NCAM2: variants seen among roughly 807,000 people sequenced by gnomAD.
NCAM2 encodes N-CAM-2.
In NCAM2, 30 loss-of-function variants were observed where a neutral mutation model predicts 98.1. The ratio of observed to expected loss-of-function variants is 0.31; its 90% CI spans 0.23 to 0.41. The LOEUF is 0.41. NCAM2 is among the 10% of genes least tolerant of loss of function. NCAM2 has a pLI of 1.00. For synonymous variants in NCAM2, 368 were observed against 342.4 expected (o/e 1.07, Z -0.83); for missense variants, 867 against 1,005.8 (o/e 0.86, Z 1.87).
intron 1 of NCAM2, among the ~76,000 whole-genome samples, chr21:21,149,094 G>T (rs1026868564): frequency 1.3e-5 from 2 of 152,024 alleles, no homozygotes; most frequent in Non-Finnish European, 2.9e-5. Context: ...CATTATTCCA[G>T]CACTAAATTG....
intron 12 of NCAM2, among the ~76,000 whole-genome samples, chr21:21,436,983 C>T (rs1978446641): frequency 6.6e-6 from 1 of 151,580 alleles, no homozygotes; most frequent in Non-Finnish European, 1.5e-5. Context: ...CCATGTTACC[C>T]AGGCTGGTTT....
chr21:21,190,642 A>G (rs1321888290), intron 1 of NCAM2, among the ~76,000 whole-genome samples: 1 of 152,168 alleles, frequency 6.6e-6, no homozygotes, highest in Admixed American at 6.5e-5. Context: ...CAGTTCATGT[A>G]TATATTTGAG....
intron 1 of NCAM2, among the ~76,000 whole-genome samples, chr21:21,013,595 A>T (rs1254985048): frequency 6.6e-6 from 1 of 152,152 alleles, no homozygotes; most frequent in Non-Finnish European, 1.5e-5. Context: ...CAGCCTGACC[A>T]ACATGGTGAA....
chr21:21,173,763 C>T (rs762228949), intron 1 of NCAM2, among the ~76,000 whole-genome samples: 25 of 152,204 alleles, frequency 1.6e-4, no homozygotes, highest in African/African-American at 4.1e-4. Flanking sequence ...ATCCCAGATG[C>T]GCTGCAAACT....
chr21:21,470,205 G>T (rs574354802), intron 14 of NCAM2, among the ~76,000 whole-genome samples: 1 of 151,276 alleles, frequency 6.6e-6, no homozygotes, highest in African/African-American at 2.4e-5. Context: ...TCTATTTAGA[G>T]CAAAGCAGAG....
chr21:21,124,063 G>T (rs888042078), intron 1 of NCAM2, among the ~76,000 whole-genome samples: 11 of 104,940 alleles, frequency 1.0e-4, no homozygotes, highest in African/African-American at 4.2e-4. Flanking sequence ...GGCCAGGATG[G>T]TATCGATCTC....
intron 1 of NCAM2, among the ~76,000 whole-genome samples, chr21:21,041,980 T>A (rs539665590): frequency 1.1e-4 from 17 of 152,292 alleles, no homozygotes; most frequent in Admixed American, 4.6e-4. Flanking sequence ...TTGTAACAGG[T>A]TGAATGACGA....
rs1045730532 is a variant in NCAM2 at position 21,284,347 on chromosome 21, C to A, written c.284C>A (p.Ala95Glu). 1 of 1,612,622 alleles carries A rather than the reference C, an allele frequency of 6.2e-7. No homozygotes were observed. The change falls in exon 3 of 18, where the codon GCA becomes GAA. Residue 95 changes from alanine (A) to glutamate (E), a missense_variant. Physicochemically the swap from Ala to Glu is moderately radical, Grantham distance 107. Transcript: ENST00000400546. The part of the protein sequence containing the change: ...IEDAGIYRCQ[A>E]TDAKGQTQEA... The stretch of plus-strand genomic sequence containing the variant: ...GATGCAGGGATATATCGTTGTCAAG[C>A]AACAGATGCCAAAGGACAAACACAA...
chr21:21,267,065 G>A lies in NCAM2; in HGVS notation c.56-13513G>A, dbSNP rs73896638. On this transcript the variant is annotated intron_variant, in intron 1 of 17. Coordinates refer to ENST00000400546, the MANE Select transcript of NCAM2 (RefSeq NM_004540.5). ...TTCTCCCACCAAGGAGATATCTGAT[G>A]TGTAAATAACAACTCACCAGGGGAA... is the stretch of plus-strand genomic sequence containing the variant. Among the ~76,000 whole-genome samples, 312 of 152,180 alleles carry A rather than the reference G, an allele frequency of 2.1e-3. 2 individuals are homozygous for A. Among genetic ancestry groups the A allele is most frequent in the African/African-American group, 7.1e-3 (294 of 41,520 alleles).
intron 1 of NCAM2, among the ~76,000 whole-genome samples, chr21:21,202,115 G>A (rs1246325897): frequency 6.6e-6 from 1 of 152,108 alleles, no homozygotes; most frequent in African/African-American, 2.4e-5. Flanking sequence ...TTAGAGAGTC[G>A]TGAGGAGCCA....
rs543418657 is a variant in NCAM2 at position 21,540,114 on chromosome 21, T to C, written c.*2157T>C. The C allele has an allele frequency of 1.2e-4, 18 of 152,128 alleles. No homozygotes were observed. The highest frequency in any genetic ancestry group is 2.5e-4 in the Non-Finnish European group (17 of 67,996). The allele number at this position is 152,128 out of a possible 1,614,324, so 9.4% of individuals were successfully genotyped here. A position where few individuals can be genotyped will look rare whatever the true frequency, so the allele number is the denominator to read the frequency against. On this transcript the variant is annotated 3_prime_UTR_variant, in exon 18 of 18. Coordinates refer to ENST00000400546, the MANE Select transcript of NCAM2 (RefSeq NM_004540.5). ...GACTGAGAAAGTCATTTCGCATGTT[T>C]ACTATTGTTATATTCGTGCTTTACT... is the stretch of plus-strand genomic sequence containing the variant.
chr21:21,322,473 G>A (rs984741696), intron 5 of NCAM2, among the ~76,000 whole-genome samples: 1 of 151,936 alleles, frequency 6.6e-6, no homozygotes, highest in African/African-American at 2.4e-5. Flanking sequence ...GTAAAAAGAA[G>A]TAAAGAGAAA....
At chr21:21,370,211 T>A (rs2075884852) in intron 8 of NCAM2, among the ~76,000 whole-genome samples, 1 of 151,882 alleles carries the variant, frequency 6.6e-6, no homozygotes, top group Admixed American at 6.6e-5. Flanking sequence ...TTTCTGAATG[T>A]CATCTATATC....
At chr21:21,470,601 G>A (rs1170604700) in intron 14 of NCAM2, among the ~76,000 whole-genome samples, 1 of 151,902 alleles carries the variant, frequency 6.6e-6, no homozygotes, top group African/African-American at 2.4e-5. Flanking sequence ...CAACCTAATG[G>A]TAAAAGTGCC....
chr21:21,006,961 CTT>C (rs2064123998), intron 1 of NCAM2, among the ~76,000 whole-genome samples: 1 of 152,154 alleles, frequency 6.6e-6, no homozygotes, highest in Admixed American at 6.5e-5. Context: ...GTAATTAAGA[CTT>C]TTATGGTTTT....
At chr21:21,190,433 AG>A (rs2068784002) in intron 1 of NCAM2, among the ~76,000 whole-genome samples, 1 of 152,172 alleles carries the variant, frequency 6.6e-6, no homozygotes, top group Non-Finnish European at 1.5e-5. Context: ...GGGCAAGAGA[AG>A]AAATTTCATC....
chr21:21,440,191 G>A (rs929561028), intron 12 of NCAM2, among the ~76,000 whole-genome samples: 3 of 152,038 alleles, frequency 2.0e-5, no homozygotes, highest in Non-Finnish European at 4.4e-5. Context: ...AAAATAATTT[G>A]ATTTTTATAT....
chr21:21,462,723 A>C (rs1983145663), intron 12 of NCAM2, among the ~76,000 whole-genome samples: 1 of 151,984 alleles, frequency 6.6e-6, no homozygotes, highest in African/African-American at 2.4e-5. Flanking sequence ...TTATTTCTAA[A>C]ATTCAGTTAT....
At chr21:21,428,032 G>A (rs1464240592) in intron 11 of NCAM2, among the ~76,000 whole-genome samples, 1 of 152,232 alleles carries the variant, frequency 6.6e-6, no homozygotes, top group Non-Finnish European at 1.5e-5. Context: ...TGCTGTAGTT[G>A]ACAAAAGTGG....
Sources: allele counts gnomAD v4.1 joint callset (sites outside exome capture counted in the v4.1 genomes callset), GRCh38; gene constraint gnomAD v4.1.1; transcripts MANE v1.5; gene names NCBI Gene and HGNC (gene_info 2026-07-23, HGNC 2026-07-21).